RIMKLB: variants seen among roughly 807,000 people sequenced by gnomAD.
The protein encoded by RIMKLB is ribosomal modification protein rimK like family member B.
RIMKLB carries 7 observed loss-of-function variants against 32.0 expected under a neutral mutation model. The observed-to-expected ratio is 0.22, with a 90% CI of 0.12 to 0.41. The LOEUF (loss-of-function observed/expected upper bound fraction) is 0.41, where lower values mean the gene tolerates loss of function less well. RIMKLB is among the 10% of genes least tolerant of loss of function. The probability of loss-of-function intolerance (pLI) is 1.00; values close to 1 mark genes in which losing one functional copy is unlikely to be tolerated. For missense variants in RIMKLB, 289 were observed against 498.7 expected (o/e 0.58, Z 4.00); for synonymous variants, 172 against 185.1 (o/e 0.93, Z 0.57).
intron 2 of RIMKLB, among the ~76,000 whole-genome samples, chr12:8,717,458 C>T (rs373270366): frequency 1.3e-5 from 2 of 152,058 alleles, no homozygotes; most frequent in African/African-American, 4.8e-5. Context: ...ATTGCCTCTC[C>T]CTTTGTGTCA....
rs757369076 is a variant in RIMKLB at position 8,755,659 on chromosome 12, C to A, written c.697+1566C>A. Among the ~76,000 whole-genome samples, 19 of 152,278 alleles carry A rather than the reference C, an allele frequency of 1.2e-4. No homozygotes were observed. The East Asian group carries it at 3.5e-3, about 28-fold the overall frequency. On this transcript the variant is annotated intron_variant, in intron 5 of 5. Coordinates refer to ENST00000535829, the MANE Select transcript of RIMKLB (RefSeq NM_001297776.2). ...CTTCCCTCCTAATCTCTTCCTAACA[C>A]CGCAGTGATATGACGGATGCTTTTA...
At chr12:8,772,648 T>C (rs1950504972) in intron 5 of RIMKLB, among the ~76,000 whole-genome samples, 1 of 152,216 alleles carries the variant, frequency 6.6e-6, no homozygotes, top group South Asian at 2.1e-4. Context: ...GGTCAAACAC[T>C]ACGGGTAAAC....
chr12:8,723,902 G>T (rs1276453566), intron 2 of RIMKLB, among the ~76,000 whole-genome samples: 1 of 134,516 alleles, frequency 7.4e-6, no homozygotes, highest in African/African-American at 2.8e-5. Context: ...GCAACCTCTT[G>T]CCTCCTGGGC....
chr12:8,680,263 C>T (rs1178096484), upstream of RIMKLB, among the ~76,000 whole-genome samples: 2 of 152,200 alleles, frequency 1.3e-5, no homozygotes, highest in African/African-American at 4.8e-5. Flanking sequence ...TCACGCCGTT[C>T]TCCTGCCTCA....
In RIMKLB at chr12:8,704,971, A is replaced by AACACACACACACACACACACACAC. The variant is rs3076182; in HGVS notation, c.-57+6680_-57+6703dup. The stretch of plus-strand genomic sequence containing the variant: ...GTGCAGAGCAAGACCTCACCTCTAA[A>AACACACACACACACACACACACAC]ACACACACACACACACACACACACA... On this transcript the variant is annotated intron_variant, in intron 1 of 5. Coordinates refer to ENST00000535829, the MANE Select transcript of RIMKLB (RefSeq NM_001297776.2). Among the ~76,000 whole-genome samples, 144 of 146,670 alleles carry AACACACACACACACACACACACAC rather than the reference A, an allele frequency of 9.8e-4. 1 individual carries two copies. Among genetic ancestry groups the AACACACACACACACACACACACAC allele is most frequent in the African/African-American group, 3.3e-3 (130 of 39,378 alleles).
intron 2 of RIMKLB, among the ~76,000 whole-genome samples, chr12:8,727,297 T>C (rs963377751): frequency 2.0e-5 from 3 of 152,178 alleles, no homozygotes; most frequent in African/African-American, 7.2e-5. Context: ...TGCAGTGACA[T>C]GATCTTGGCT....
chr12:8,725,196 C>CT (rs774804606), intron 2 of RIMKLB, among the ~76,000 whole-genome samples: 1 of 152,192 alleles, frequency 6.6e-6, no homozygotes, highest in Non-Finnish European at 1.5e-5. Flanking sequence ...CAGGTGAAGA[C>CT]TTTTCTGAAA....
At chr12:8,707,577 G>C (rs1215802061) in intron 1 of RIMKLB, among the ~76,000 whole-genome samples, 2 of 152,162 alleles carry the variant, frequency 1.3e-5, no homozygotes, top group Non-Finnish European at 2.9e-5. Flanking sequence ...GGCCACTGGT[G>C]ATCAACTTGA....
rs61334074 is a variant in RIMKLB, at chr12:8,731,455, G to GT, written c.175+17426dup. Among the ~76,000 whole-genome samples the GT allele has an allele frequency of 9.0e-3, 1,306 of 144,850 alleles. 7 individuals carry two copies. The highest frequency in any genetic ancestry group is 0.017 in the African/African-American group (678 of 39,744). On this transcript the variant is annotated intron_variant, in intron 2 of 5. Coordinates refer to ENST00000535829, the MANE Select transcript of RIMKLB (RefSeq NM_001297776.2). ...TTATTTTAGCCAGTTCCTGGTGGTGGTTTTTTTTTTTTAATGTTAGGCAAG... is the reference window on the plus strand; with the variant it reads ...TTATTTTAGCCAGTTCCTGGTGGTGGTTTTTTTTTTTTTAATGTTAGGCAAG...
At chr12:8,674,012 A>G in the RIMKLB span, among the ~76,000 whole-genome samples, 1 of 152,076 alleles carries the variant, frequency 6.6e-6, no homozygotes, top group Non-Finnish European at 1.5e-5. Flanking sequence ...CAAATAAGCC[A>G]CAGGGTCGGT....
intron 5 of RIMKLB, among the ~76,000 whole-genome samples, chr12:8,766,098 G>A (rs1010983104): frequency 1.3e-5 from 2 of 151,846 alleles, no homozygotes; most frequent in African/African-American, 4.8e-5. Context: ...TTGCCTTGGG[G>A]GGAATGTTTC....
Position 8,773,957 on chromosome 12 carries a change from C to G in RIMKLB, c.*173C>G. 3.6e-6 allele frequency: 5 copies of G among 1,402,888 alleles called. No individual in the cohort carries two copies. The highest frequency in any genetic ancestry group is 4.6e-6 in the Non-Finnish European group (5 of 1,082,430). The allele number at this position is 1,402,888 out of a possible 1,614,324, so 86.9% of individuals were successfully genotyped here. Reference sequence around the variant, plus strand: ...TGAGACCTCTGCTAGTAAGATGTTACTTTCATTTACAAATCCTACAAATAG... The same window carrying G: ...TGAGACCTCTGCTAGTAAGATGTTAGTTTCATTTACAAATCCTACAAATAG... On this transcript the variant is annotated 3_prime_UTR_variant, in exon 6 of 6. Coordinates refer to ENST00000535829, the MANE Select transcript of RIMKLB (RefSeq NM_001297776.2).
intron 5 of RIMKLB, among the ~76,000 whole-genome samples, chr12:8,770,617 C>T (rs1045289870): frequency 6.6e-6 from 1 of 152,082 alleles, no homozygotes; most frequent in Non-Finnish European, 1.5e-5. Flanking sequence ...GTCATAGATA[C>T]CCTCACATAT....
intron 2 of RIMKLB, among the ~76,000 whole-genome samples, chr12:8,716,728 T>C (rs1944889373): frequency 7.6e-6 from 1 of 132,268 alleles, no homozygotes; most frequent in African/African-American, 3.2e-5. Context: ...TTTCCTTCTT[T>C]TTTTTTTTTT....
rs1950662153 is a variant in RIMKLB, at chr12:8,775,204, A to G, written c.*1420A>G. 1.0e-6 allele frequency: 1 copy of G among 985,410 alleles called. No individual in the cohort carries two copies. Among genetic ancestry groups the G allele is most frequent in the African/African-American group, 1.7e-5 (1 of 57,196 alleles). The allele number at this position is 985,410 out of a possible 1,614,324, so 61.0% of individuals were successfully genotyped here. ...GGCTATGCATTTTCTCTTTTTACAT[A>G]TAGGATTTGGGATTGGGGGTGGGTT... On this transcript the variant is annotated 3_prime_UTR_variant, in exon 6 of 6. Coordinates refer to ENST00000535829, the MANE Select transcript of RIMKLB (RefSeq NM_001297776.2).
rs552130499 is a variant in RIMKLB, at chr12:8,721,762, G to T, written c.175+7721G>T. On this transcript the variant is annotated intron_variant, in intron 2 of 5. Transcript: ENST00000535829. Reference sequence around the variant, plus strand: ...TGTTTTTTGTTTTTTGTTTTTTTTTGAGATGGAGTCTGACTCTGGCACCCA... The same window carrying T: ...TGTTTTTTGTTTTTTGTTTTTTTTTTAGATGGAGTCTGACTCTGGCACCCA... 1.1e-3 allele frequency among the ~76,000 whole-genome samples: 169 copies of T among 149,996 alleles called. 1 individual carries two copies. Among genetic ancestry groups the T allele is most frequent in the Admixed American group, 1.8e-3 (27 of 15,114 alleles).
At position 8,731,295 on chromosome 12, in the gene RIMKLB, G is replaced by C. The variant is rs182686189; in HGVS notation, c.175+17254G>C. On this transcript the variant is annotated intron_variant, in intron 2 of 5. Transcript: ENST00000535829. ...GTATTTGTAGTAGAGACAGGGTTTC[G>C]CCACGTTGGCCAGGCTGGTCTCAAA... is the stretch of plus-strand genomic sequence containing the variant. Among the ~76,000 whole-genome samples the C allele has an allele frequency of 1.1e-4, 17 of 151,440 alleles. No homozygotes were observed. In the East Asian group the frequency reaches 3.1e-3, roughly 28 times the overall value.
At chr12:8,680,928 G>A (rs1942397660), upstream of RIMKLB, among the ~76,000 whole-genome samples, 1 of 151,786 alleles carries the variant, frequency 6.6e-6, no homozygotes, top group African/African-American at 2.4e-5. Flanking sequence ...TTACAATGAA[G>A]CATTGTGTAT....
chr12:8,751,824 C>T, intron 3 of RIMKLB, 133 bp from the exon 4 acceptor site: 2 of 619,314 alleles, frequency 3.2e-6, no homozygotes, highest in Non-Finnish European at 5.8e-6. Flanking sequence ...ATACTTTCTC[C>T]AAGAAAAAAA....
Sources: allele counts gnomAD v4.1 joint callset (sites outside exome capture counted in the v4.1 genomes callset), GRCh38; gene constraint gnomAD v4.1.1; transcripts MANE v1.5; gene names NCBI Gene and HGNC (gene_info 2026-07-23, HGNC 2026-07-21).